ZNF385D: variants seen among roughly 807,000 people sequenced by gnomAD.
ZNF385D encodes the protein zinc finger protein 385D.
In ZNF385D, 15 loss-of-function variants were observed where a neutral mutation model predicts 35.8. The observed-to-expected ratio is 0.42, with a 90% confidence interval of 0.28 to 0.64. The LOEUF (loss-of-function observed/expected upper bound fraction) is 0.64. Among genes scored for constraint, ZNF385D ranks in the 30% least tolerant of loss-of-function variants. ZNF385D has a pLI of 0.23. For missense variants in ZNF385D, 474 were observed against 494.6 expected (o/e 0.96, Z 0.39); for synonymous variants, 212 against 186.8 (o/e 1.13, Z -1.10).
chr3:22,125,093 A>G (rs1454669756), intron 3 of ZNF385D, among the ~76,000 whole-genome samples: 1 of 152,072 alleles, frequency 6.6e-6, no homozygotes, highest in Non-Finnish European at 1.5e-5. Context: ...TTTATTCTGT[A>G]TGGGAAAAAA....
At chr3:22,084,297 G>A (rs192832153) in intron 3 of ZNF385D, among the ~76,000 whole-genome samples, 5 of 152,158 alleles carry the variant, frequency 3.3e-5, no homozygotes, top group Non-Finnish European at 5.9e-5. Context: ...AAATTGGATA[G>A]AGTCAAGACT....
At chr3:21,657,271 T>C (rs1420923712) in intron 2 of ZNF385D, among the ~76,000 whole-genome samples, 1 of 151,966 alleles carries the variant, frequency 6.6e-6, no homozygotes, top group African/African-American at 2.4e-5. Flanking sequence ...GAGAATGCGC[T>C]ACCTATTCAA....
At chr3:21,820,681 C>T (rs948222698) in intron 3 of ZNF385D, among the ~76,000 whole-genome samples, 2 of 149,086 alleles carry the variant, frequency 1.3e-5, no homozygotes, top group African/African-American at 2.5e-5. Flanking sequence ...AAAAATTTCT[C>T]GAAAGAAAAA....
At chr3:22,099,791 A>G (rs1261795987) in intron 3 of ZNF385D, among the ~76,000 whole-genome samples, 1 of 152,034 alleles carries the variant, frequency 6.6e-6, no homozygotes, top group Non-Finnish European at 1.5e-5. Flanking sequence ...TAAAGGTCAG[A>G]AGCCAAGCAT....
chr3:21,543,005 AG>A (rs2062230481), intron 3 of ZNF385D: 1 of 152,872 alleles, frequency 6.5e-6, no homozygotes, highest in Non-Finnish European at 1.5e-5. Flanking sequence ...GGTGAGTGAA[AG>A]GGGGACTCAA....
At position 21,766,453 on chromosome 3, in the gene ZNF385D, C is replaced by T. The variant is rs1451095745; in HGVS notation, c.326-101425G>A. ...TTCATGTATTAAAGCACGGTCAGAA[C>T]ACATTTTAAGGATGAGTTTGTGTTT... On this transcript the variant is annotated intron_variant, in intron 3 of 5. Coordinates refer to the ZNF385D transcript ENST00000494108. 3.3e-5 allele frequency among the ~76,000 whole-genome samples: 5 copies of T among 152,206 alleles called. No individual in the cohort carries two copies. In the East Asian group the frequency reaches 9.7e-4, roughly 29 times the overall value.
chr3:21,887,844 G>A lies in ZNF385D; in HGVS notation c.326-222816C>T, dbSNP rs78821567. ...TGTCAGGAATTGAAAAGAAAAAAAT[G>A]CATGGTTAATTAATTGATAGAATGA... is the stretch of plus-strand genomic sequence containing the variant. On this transcript the variant is annotated intron_variant, in intron 3 of 5. Coordinates refer to the ZNF385D transcript ENST00000494108. Among the ~76,000 whole-genome samples the A allele has an allele frequency of 7.2e-4, 110 of 152,118 alleles. 1 individual carries two copies. Among genetic ancestry groups the A allele is most frequent in the African/African-American group, 2.5e-3 (102 of 41,510 alleles).
chr3:22,071,475 C>T (rs1700226963), intron 3 of ZNF385D, among the ~76,000 whole-genome samples: 1 of 152,174 alleles, frequency 6.6e-6, no homozygotes, highest in Admixed American at 6.6e-5. Flanking sequence ...CTCTCAACTG[C>T]ACTTCTGATG....
intron 3 of ZNF385D, among the ~76,000 whole-genome samples, chr3:22,130,570 G>C (rs1400992660): frequency 1.3e-5 from 2 of 152,112 alleles, no homozygotes; most frequent in Non-Finnish European, 2.9e-5. Flanking sequence ...TGCTGTGACA[G>C]GGCAGCACTG....
At chr3:21,719,227 C>T (rs2068440738) in intron 1 of ZNF385D, among the ~76,000 whole-genome samples, 1 of 152,204 alleles carries the variant, frequency 6.6e-6, no homozygotes, top group Non-Finnish European at 1.5e-5. Flanking sequence ...CACACCTCCT[C>T]AATCAGCATC....
chr3:21,811,316 TG>T (rs1559645941), intron 3 of ZNF385D, among the ~76,000 whole-genome samples: 1 of 152,054 alleles, frequency 6.6e-6, no homozygotes. Context: ...CAGAACTTTT[TG>T]GGAAAATTGC....
At chr3:21,696,134 T>A (rs896019729) in intron 1 of ZNF385D, among the ~76,000 whole-genome samples, 12 of 152,120 alleles carry the variant, frequency 7.9e-5, no homozygotes, top group Non-Finnish European at 1.5e-4. Flanking sequence ...GCCATCAGAG[T>A]GTACTTCCTC....
intron 3 of ZNF385D, chr3:21,961,436 T>C (rs1702586584): frequency 6.6e-6 from 1 of 152,142 alleles, no homozygotes; most frequent in Non-Finnish European, 1.5e-5. Context: ...AAAAAAATTG[T>C]TTAAAAAGAA....
At chr3:21,615,084 C>T (rs918116746) in intron 2 of ZNF385D, among the ~76,000 whole-genome samples, 10 of 152,136 alleles carry the variant, frequency 6.6e-5, no homozygotes, top group African/African-American at 2.2e-4. Flanking sequence ...CTCCAAATCT[C>T]ATGTTTAAAT....
At chr3:22,014,914 C>T (rs34068715) in intron 3 of ZNF385D, among the ~76,000 whole-genome samples, 17,051 of 152,086 alleles carry the variant, frequency 0.11, 1,211 homozygotes, top group Non-Finnish European at 0.16. Flanking sequence ...AACGTGGAAA[C>T]TGATTACAGT....
intron 2 of ZNF385D, among the ~76,000 whole-genome samples, chr3:22,176,247 A>G (rs912665868): frequency 6.6e-6 from 1 of 152,250 alleles, no homozygotes; most frequent in South Asian, 2.1e-4. Context: ...ATATTTAGCC[A>G]CACAACTCAG....
At chr3:21,755,108 CAG>C (rs1258193681), upstream of ZNF385D, among the ~76,000 whole-genome samples, 1 of 152,206 alleles carries the variant, frequency 6.6e-6, no homozygotes, top group Non-Finnish European at 1.5e-5. Flanking sequence ...CTGCATGGAG[CAG>C]AGACTTAGAT....
At chr3:21,431,371 A>G (rs1701285261) in intron 5 of ZNF385D, among the ~76,000 whole-genome samples, 1 of 152,170 alleles carries the variant, frequency 6.6e-6, no homozygotes, top group Non-Finnish European at 1.5e-5. Flanking sequence ...ATCATTTACT[A>G]TCAAAATCCC....
intron 3 of ZNF385D, among the ~76,000 whole-genome samples, chr3:22,037,466 T>G (rs1439686300): frequency 6.6e-6 from 1 of 152,160 alleles, no homozygotes; most frequent in African/African-American, 2.4e-5. Flanking sequence ...TGGCCAGTGA[T>G]GATGAGCATT....
Sources: allele counts gnomAD v4.1 joint callset (sites outside exome capture counted in the v4.1 genomes callset), GRCh38; gene constraint gnomAD v4.1.1; transcripts MANE v1.5; gene names NCBI Gene and HGNC (gene_info 2026-07-23, HGNC 2026-07-21).